Variants in PCSK6 observed in about 807,000 individuals in gnomAD.
PCSK6 encodes the protein proprotein convertase subtilisin/kexin type 6.
In PCSK6, 85 loss-of-function variants were observed where a neutral mutation model predicts 123.3. The ratio of observed to expected loss-of-function variants is 0.69; its 90% CI spans 0.58 to 0.83. The LOEUF is 0.83. PCSK6 is among the 40% of genes least tolerant of loss of function. The pLI, the probability that PCSK6 is intolerant of heterozygous loss-of-function variation, is 0.00. For synonymous variants in PCSK6, 508 were observed against 516.0 expected, an observed-to-expected ratio of 0.98 and a Z score of 0.21; for missense variants, 1,191 against 1,282.3, an observed-to-expected ratio of 0.93 and a Z score of 1.09.
At chr15:101,338,220 C>T (rs2141382317) in intron 13 of PCSK6, among the ~76,000 whole-genome samples, 1 of 152,286 alleles carries the variant, frequency 6.6e-6, no homozygotes, top group Admixed American at 6.5e-5. Context: ...AAACCACAGC[C>T]CAAGCTTAAC....
At chr15:101,456,554 G>A (rs114920377) in intron 1 of PCSK6, among the ~76,000 whole-genome samples, 1,899 of 152,332 alleles carry the variant, frequency 0.012, 36 homozygotes, top group African/African-American at 0.041. Flanking sequence ...CCTGGATCCA[G>A]GGGAGAGGCT....
At chr15:101,478,654 C>T (rs778919158) in intron 1 of PCSK6, among the ~76,000 whole-genome samples, 2 of 152,238 alleles carry the variant, frequency 1.3e-5, no homozygotes, top group Middle Eastern at 3.4e-3. Context: ...CCAGACTTGC[C>T]GGTTCTGCCT....
At chr15:101,418,349 G>C (rs2055962138) in intron 6 of PCSK6, among the ~76,000 whole-genome samples, 1 of 152,058 alleles carries the variant, frequency 6.6e-6, no homozygotes, top group Non-Finnish European at 1.5e-5. Context: ...TGATAAACAA[G>C]TTAGAGAGAA....
chr15:101,314,821 G>A lies in PCSK6; in HGVS notation c.2570-1316C>T, dbSNP rs577909495. On this transcript the variant is annotated intron_variant, in intron 19 of 21. Transcript: ENST00000611716. The stretch of plus-strand genomic sequence containing the variant: ...GTGTCTCCCTCTCTTCCTGAGGTGC[G>A]GTGGAAGAGCTGTGCCCCGGGGGCG... Among the ~76,000 whole-genome samples the A allele has an allele frequency of 5.9e-5, 9 of 152,326 alleles. No homozygotes were observed. The East Asian group carries it at 1.2e-3, about 20-fold the overall frequency.
intron 18 of PCSK6, among the ~76,000 whole-genome samples, chr15:101,320,602 AC>A (rs1281827589): frequency 1.3e-5 from 2 of 152,162 alleles, no homozygotes; most frequent in Non-Finnish European, 2.9e-5. Flanking sequence ...GCGGACACCC[AC>A]CCGGCGCCCT....
chr15:101,485,367 T>C (rs1432793090), intron 1 of PCSK6, among the ~76,000 whole-genome samples: 2 of 152,240 alleles, frequency 1.3e-5, no homozygotes, highest in Admixed American at 1.3e-4. Context: ...GTAAATACTT[T>C]CCTGGTCTAT....
At chr15:101,315,752 AGCT>A (rs1310880016) in intron 19 of PCSK6, among the ~76,000 whole-genome samples, 5 of 152,236 alleles carry the variant, frequency 3.3e-5, no homozygotes, top group Admixed American at 3.3e-4. Flanking sequence ...GCAGGCTGTC[AGCT>A]GCTAATCCAC....
intron 8 of PCSK6, among the ~76,000 whole-genome samples, 179 bp from the exon 9 acceptor site, chr15:101,389,743 C>G (rs1418798875): frequency 1.3e-5 from 2 of 152,194 alleles, no homozygotes; most frequent in African/African-American, 4.8e-5. Flanking sequence ...ATCTGGTGCT[C>G]CCTGCTAAAT....
chr15:101,367,054 G>A (rs1025734482), intron 12 of PCSK6, among the ~76,000 whole-genome samples: 4 of 152,122 alleles, frequency 2.6e-5, no homozygotes, highest in Non-Finnish European at 5.9e-5. Context: ...AGCGGGGGGA[G>A]GAGACAGCTC....
chr15:101,322,378 AG>A, intron 18 of PCSK6, 141 bp downstream of exon 18: 1 of 624,350 alleles, frequency 1.6e-6, no homozygotes, highest in South Asian at 2.0e-5. Context: ...CACGATTTCC[AG>A]GACTCGGAAT....
At chr15:101,437,416 G>C (rs961638243) in intron 2 of PCSK6, among the ~76,000 whole-genome samples, 1 of 152,138 alleles carries the variant, frequency 6.6e-6, no homozygotes, top group African/African-American at 2.4e-5. Flanking sequence ...CCGGGCAGTA[G>C]AGGAGGGGGA....
Position 101,409,414 on chromosome 15 carries a change from T to C in PCSK6, c.824-10838A>G, listed in dbSNP as rs2042875456. Among the ~76,000 whole-genome samples the C allele has an allele frequency of 2.0e-5, 3 of 152,016 alleles. No individual in the cohort carries two copies. The South Asian group carries it at 6.2e-4, about 32-fold the overall frequency. On this transcript the variant is annotated intron_variant, in intron 6 of 21. Coordinates refer to ENST00000611716, the MANE Select transcript of PCSK6 (RefSeq NM_002570.5). ...TCCTGGCTAACACAGTGAAACCCCG[T>C]CTCTACTAAAAAGGCAGAAAATTAG...
At chr15:101,324,349 C>T (rs1440363143) in intron 17 of PCSK6, among the ~76,000 whole-genome samples, 1 of 152,224 alleles carries the variant, frequency 6.6e-6, no homozygotes, top group Middle Eastern at 3.2e-3. Flanking sequence ...CGCAGCTCTG[C>T]CGAGGAGGGC....
At chr15:101,432,726 G>A (rs8024621) in intron 2 of PCSK6, among the ~76,000 whole-genome samples, 139,282 of 152,266 alleles carry the variant, frequency 0.91, 64,039 homozygotes, top group African/African-American at 0.97. Flanking sequence ...TGAAATTGCC[G>A]ATAAATTATC....
chr15:101,327,566 C>T (rs1023281183), intron 15 of PCSK6, among the ~76,000 whole-genome samples: 4 of 152,164 alleles, frequency 2.6e-5, no homozygotes, highest in Non-Finnish European at 2.9e-5. Context: ...CCTCCTCCTC[C>T]GAGGTGTGAG....
chr15:101,331,579 G>C, intron 15 of PCSK6, 72 bp downstream of exon 15: 1 of 1,411,046 alleles, frequency 7.1e-7, no homozygotes, highest in East Asian at 2.3e-5. Flanking sequence ...ACCCCATTCT[G>C]GTTGGGCATA....
intron 20 of PCSK6, among the ~76,000 whole-genome samples, chr15:101,311,136 G>C (rs1190105734): frequency 2.6e-5 from 4 of 151,932 alleles, no homozygotes; most frequent in African/African-American, 9.7e-5. Flanking sequence ...TTTTGAGATG[G>C]AGTCTTGCTC....
chr15:101,452,976 G>C (rs1192908784), intron 1 of PCSK6, among the ~76,000 whole-genome samples: 1 of 152,202 alleles, frequency 6.6e-6, no homozygotes, highest in Admixed American at 6.5e-5. Context: ...TTTTCTGTAA[G>C]TTTGTGATTG....
At chr15:101,437,416 G>A (rs961638243) in intron 2 of PCSK6, among the ~76,000 whole-genome samples, 1 of 152,256 alleles carries the variant, frequency 6.6e-6, no homozygotes, top group Non-Finnish European at 1.5e-5. Flanking sequence ...CCGGGCAGTA[G>A]AGGAGGGGGA....
Sources: gnomAD v4.1 joint callset for allele counts (sites outside exome capture counted in the v4.1 genomes callset) on GRCh38, gnomAD v4.1.1 for gene constraint, MANE v1.5 for transcripts, NCBI Gene and HGNC (gene_info 2026-07-23, HGNC 2026-07-21) for gene names.